The following MEOX1 variants were observed in gnomAD, a reference collection of about 807,000 sequenced individuals.
The protein encoded by MEOX1 is mesenchyme homeobox 1.
In MEOX1, 17 loss-of-function variants were observed where a neutral mutation model predicts 23.2. That is an observed-to-expected ratio of 0.73 (90% CI 0.50 to 1.10). MEOX1 has a LOEUF of 1.10. Ranked by LOEUF, MEOX1 falls within the 50% of genes least tolerant of loss-of-function variation. The probability of loss-of-function intolerance (pLI) is 0.00; values close to 1 mark genes in which losing one functional copy is unlikely to be tolerated. For synonymous variants in MEOX1, 134 were observed against 135.1 expected (o/e 0.99, Z 0.06); for missense variants, 333 against 332.2 (o/e 1.00, Z -0.02).
At chr17:43,655,396 G>A (rs1308200906) in intron 1 of MEOX1, among the ~76,000 whole-genome samples, 4 of 151,748 alleles carry the variant, frequency 2.6e-5, no homozygotes, top group Admixed American at 6.6e-5. Flanking sequence ...ACTTGAATAC[G>A]GGAGGCGGAG....
intron 2 of MEOX1, 23 bp from the exon 3 acceptor site, chr17:43,642,055 C>G: frequency 6.2e-7 from 1 of 1,607,748 alleles, no homozygotes; most frequent in Non-Finnish European, 8.5e-7. Flanking sequence ...GCAAAGGAGC[C>G]TGGTCACTCC....
At chr17:43,651,502 C>T (rs116982636) in intron 1 of MEOX1, among the ~76,000 whole-genome samples, 3,010 of 152,110 alleles carry the variant, frequency 0.02, 38 homozygotes, top group Middle Eastern at 0.044. Flanking sequence ...GAGACCCAGG[C>T]CCACTGCTCA....
rs1421720260 is a variant in MEOX1, at chr17:43,640,686, G to T, written c.*1224C>A. ...GGAGACAGAGCGCTGAGGCAGCCAG[G>T]GCTTCAGTCCCCCATGCTCTTTGGC... On this transcript the variant is annotated 3_prime_UTR_variant, in exon 3 of 3. Transcript: ENST00000318579. The T allele has an allele frequency of 6.6e-6, 1 of 152,142 alleles. No individual in the cohort carries two copies. Among genetic ancestry groups the T allele is most frequent in the Non-Finnish European group, 1.5e-5 (1 of 68,030 alleles). 9.4% of individuals were successfully genotyped at this position (152,142 alleles called of 1,614,324 possible).
At chr17:43,655,306 A>T (rs1972993441) in intron 1 of MEOX1, among the ~76,000 whole-genome samples, 1 of 151,450 alleles carries the variant, frequency 6.6e-6, no homozygotes, top group Non-Finnish European at 1.5e-5. Flanking sequence ...CCCCGTCTCT[A>T]TTAAAAATAC....
At chr17:43,658,918 C>T (rs973947123) in intron 1 of MEOX1, among the ~76,000 whole-genome samples, 1 of 152,162 alleles carries the variant, frequency 6.6e-6, no homozygotes, top group Non-Finnish European at 1.5e-5. Flanking sequence ...CCTGAGGGGA[C>T]CCTTAGGGAA....
At chr17:43,647,033 T>C (rs1285431158) in intron 1 of MEOX1, among the ~76,000 whole-genome samples, 1 of 152,194 alleles carries the variant, frequency 6.6e-6, no homozygotes, top group East Asian at 1.9e-4. Flanking sequence ...TATTCTCCAA[T>C]TTATCAGCTC....
chr17:43,649,876 G>T (rs370007390), intron 1 of MEOX1, among the ~76,000 whole-genome samples: 7 of 152,342 alleles, frequency 4.6e-5, no homozygotes, highest in African/African-American at 1.7e-4. Flanking sequence ...AATGCAAACG[G>T]TGTGCATGTG....
rs1366839768 is a variant in MEOX1, at chr17:43,641,242, G to A, written c.*668C>T. 2 of 152,090 alleles carry A rather than the reference G, an allele frequency of 1.3e-5. No homozygotes were observed. The highest frequency in any genetic ancestry group is 2.1e-4 in the South Asian group (1 of 4,820). The allele number at this position is 152,090 out of a possible 1,614,324, so 9.4% of individuals were successfully genotyped here. A position where few individuals can be genotyped will look rare whatever the true frequency, so the allele number is the denominator to read the frequency against. On this transcript the variant is annotated 3_prime_UTR_variant, in exon 3 of 3. Transcript: ENST00000318579. Reference sequence around the variant, plus strand: ...ATATGGGGACACCGAAACCTACATCGGGCTATTTTTCTGTCTTCTCTAGTC... The same window carrying A: ...ATATGGGGACACCGAAACCTACATCAGGCTATTTTTCTGTCTTCTCTAGTC...
chr17:43,654,061 A>G (rs1288319839), intron 1 of MEOX1, among the ~76,000 whole-genome samples: 3 of 152,166 alleles, frequency 2.0e-5, no homozygotes, highest in Admixed American at 6.5e-5. Flanking sequence ...TACAGTCCCT[A>G]TAAGGGCAGA....
intron 1 of MEOX1, among the ~76,000 whole-genome samples, chr17:43,648,740 A>G (rs1354057643): frequency 6.6e-6 from 1 of 151,904 alleles, no homozygotes; most frequent in East Asian, 1.9e-4. Context: ...GGCTCTTCCA[A>G]CTTCACGTAT....
At chr17:43,657,945 A>G (rs1185021632) in intron 1 of MEOX1, among the ~76,000 whole-genome samples, 1 of 152,228 alleles carries the variant, frequency 6.6e-6, no homozygotes, top group African/African-American at 2.4e-5. Context: ...GGATCACTGC[A>G]TCTAACCTTC....
chr17:43,652,825 C>CTTTTTTTT (rs397856379), intron 1 of MEOX1, among the ~76,000 whole-genome samples: 15 of 71,068 alleles, frequency 2.1e-4, no homozygotes, highest in South Asian at 7.0e-4. Context: ...TCTACTATTG[C>CTTTTTTTT]TTTTTTTTTT....
chr17:43,649,821 C>T (rs1598263002), intron 1 of MEOX1, among the ~76,000 whole-genome samples: 2 of 152,358 alleles, frequency 1.3e-5, no homozygotes, highest in East Asian at 3.9e-4. Context: ...AGCCCTCACC[C>T]TCTGCTGGAG....
chr17:43,645,972 G>A (rs1045647973), intron 1 of MEOX1, among the ~76,000 whole-genome samples: 4 of 152,252 alleles, frequency 2.6e-5, no homozygotes, highest in African/African-American at 9.6e-5. Context: ...TCCGCCGGGG[G>A]ATGGAAGGGG....
At position 43,661,425 on chromosome 17, in the gene MEOX1, T is replaced by A. The variant is rs758446241; in HGVS notation, c.110A>T (p.His37Leu). The A allele has an allele frequency of 1.2e-6, 1 of 860,886 alleles. No homozygotes were observed. Among genetic ancestry groups the A allele is most frequent in the Non-Finnish European group, 1.8e-6 (1 of 552,520 alleles). 53.3% of individuals were successfully genotyped at this position (860,886 alleles called of 1,614,324 possible). A position where few individuals can be genotyped will look rare whatever the true frequency, so the allele number is the denominator to read the frequency against. ...GAAGGAGAACGGGGTGGGCGGGTAG[T>A]GGGGTAGCCCTGAGGCCCCATTGCC... is the stretch of plus-strand genomic sequence containing the variant. ...SEGNGASGLP[H>L]YPPTPFSFHQ... The change falls in exon 1 of 3, where the codon CAC becomes CTC. Residue 37 changes from histidine to leucine, a missense_variant. His to Leu is a moderately conservative substitution (Grantham distance 99). Coordinates refer to ENST00000318579, the MANE Select transcript of MEOX1 (RefSeq NM_004527.4).
At chr17:43,658,251 C>T (rs992334219) in intron 1 of MEOX1, among the ~76,000 whole-genome samples, 8 of 152,172 alleles carry the variant, frequency 5.3e-5, no homozygotes, top group Non-Finnish European at 1.0e-4. Flanking sequence ...GGCACGGTGG[C>T]GCATGCCAGC....
intron 1 of MEOX1, among the ~76,000 whole-genome samples, chr17:43,655,171 A>G (rs1218446274): frequency 1.3e-5 from 2 of 151,844 alleles, no homozygotes; most frequent in African/African-American, 4.8e-5. Flanking sequence ...TCAACAGATG[A>G]ATGGATAAAG....
At chr17:43,655,793 G>A (rs1288648172) in intron 1 of MEOX1, among the ~76,000 whole-genome samples, 1 of 151,598 alleles carries the variant, frequency 6.6e-6, no homozygotes, top group Non-Finnish European at 1.5e-5. Context: ...TTTCACTTAT[G>A]TAAGGTATCT....
At position 43,641,954 on chromosome 17, in the gene MEOX1, C is replaced by CGGA. The variant is rs1972703161; in HGVS notation, c.720_721insTCC (p.Gln240_Asp241insSer). ...GCTGTGGAGTCCCCATCCTCAGGGT[C>CGGA]CTGCCCATTGGGGGAGATGGGCTGA... On this transcript the variant is annotated inframe_insertion, in exon 3 of 3. Transcript: ENST00000318579. The CGGA allele has an allele frequency of 6.2e-7, 1 of 1,613,918 alleles. No individual in the cohort carries two copies.
Sources: allele counts gnomAD v4.1 joint callset (sites outside exome capture counted in the v4.1 genomes callset), GRCh38; gene constraint gnomAD v4.1.1; transcripts MANE v1.5; gene names NCBI Gene and HGNC (gene_info 2026-07-23, HGNC 2026-07-21).